Variants in TBC1D13 observed in about 807,000 individuals in gnomAD.
The protein encoded by TBC1D13 is TBC1 domain family member 13.
TBC1D13 carries 40 observed loss-of-function variants against 53.6 expected under a neutral mutation model. The observed-to-expected ratio is 0.75, with a 90% CI of 0.58 to 0.97. The LOEUF (loss-of-function observed/expected upper bound fraction) is 0.97. Ranked by LOEUF, TBC1D13 falls within the 50% of genes least tolerant of loss-of-function variation. TBC1D13 has a pLI of 0.00. For missense variants in TBC1D13, 377 were observed against 499.4 expected, an observed-to-expected ratio of 0.75 and a Z score of 2.34; for synonymous variants, 182 against 197.7, an observed-to-expected ratio of 0.92 and a Z score of 0.67.
In TBC1D13 at chr9:128,791,379, G is replaced by T. The variant is rs773168460; in HGVS notation, c.139-1G>T. 1.2e-6 allele frequency: 2 copies of T among 1,614,066 alleles called. No individual in the cohort carries two copies. The highest frequency in any genetic ancestry group is 2.2e-5 in the East Asian group (1 of 44,892). ...AGCTTTGCCCTTCTCCCTCTGTGCA[G>T]ATTCTCTTGAACTACCTTCCCTTGG... On this transcript the variant is annotated splice_acceptor_variant, in intron 3 of 11. Transcript: ENST00000372648. LOFTEE classifies it high-confidence loss of function.
At chr9:128,790,257 CAAAAAAAAAAA>C (rs10658153) in intron 2 of TBC1D13, among the ~76,000 whole-genome samples, 1 of 107,934 alleles carries the variant, frequency 9.3e-6, no homozygotes, top group South Asian at 3.2e-4. Context: ...ACTTTGTCTC[CAAAAAAAAAAA>C]AAAAAAAATT....
Position 128,801,734 on chromosome 9 carries a change from A to T in TBC1D13, c.544-1516A>T, listed in dbSNP as rs1042156312. On this transcript the variant is annotated intron_variant, in intron 7 of 11. Coordinates refer to ENST00000372648, the MANE Select transcript of TBC1D13 (RefSeq NM_018201.5). The stretch of plus-strand genomic sequence containing the variant: ...GGGCTTGGCCAGTTGTTTGTTTTTG[A>T]CATATTTAAGATTTTTTTGTTTTTT... 2.0e-5 allele frequency among the ~76,000 whole-genome samples: 3 copies of T among 150,390 alleles called. No individual in the cohort carries two copies. The Admixed American group carries it at 2.0e-4, about 10-fold the overall frequency.
Position 128,792,531 on chromosome 9 carries a change from T to C in TBC1D13, c.340T>C (p.Phe114Leu). The C allele has an allele frequency of 1.2e-6, 2 of 1,614,156 alleles. No homozygotes were observed. The highest frequency in any genetic ancestry group is 1.7e-6 in the Non-Finnish European group (2 of 1,179,996). The change falls in exon 6 of 12, where the codon TTC becomes CTC. Residue 114 changes from phenylalanine to leucine, a missense_variant. Physicochemically the swap from Phe to Leu is conservative, Grantham distance 22. Transcript: ENST00000372648. ...CCCTGACAGCCGGTGGAACACGTAC[T>C]TCAAGGACAACGAGGTGCTGCTGCA... ...PNPDSRWNTYFKDNEVLLQID... is the reference protein window; with the variant it reads ...PNPDSRWNTYLKDNEVLLQID...
At position 128,803,974 on chromosome 9, in the gene TBC1D13, C is replaced by G. The variant is rs373831850; in HGVS notation, c.773C>G (p.Thr258Ser). ...SEWKEHAEAD[T>S]FFCFTNLMAE... ...CTCCCAGAGCACGCCGAGGCAGACA[C>G]CTTTTTCTGCTTCACCAACCTCATG... The change falls in exon 9 of 12, where the codon ACC becomes AGC. Residue 258 changes from threonine to serine, a missense_variant. Transcript: ENST00000372648. 3.1e-6 allele frequency: 5 copies of G among 1,613,412 alleles called. No homozygotes were observed. The highest frequency in any genetic ancestry group is 4.2e-6 in the Non-Finnish European group (5 of 1,180,022).
chr9:128,808,195 C>A lies in TBC1D13; in HGVS notation c.*316C>A. On this transcript the variant is annotated 3_prime_UTR_variant, in exon 12 of 12. Transcript: ENST00000372648. ...GGGGCCCCTCCCTGCCTCGGCTCTG[C>A]CGCCCCAGCCTCAGTTCCTGCTTCT... 2.7e-6 allele frequency: 1 copy of A among 373,558 alleles called. No homozygotes were observed. The highest frequency in any genetic ancestry group is 5.1e-6 in the Non-Finnish European group (1 of 195,516). 23.1% of individuals were successfully genotyped at this position (373,558 alleles called of 1,614,324 possible).
At chr9:128,804,408 A>ATT (rs775050479) in intron 9 of TBC1D13, among the ~76,000 whole-genome samples, 11 of 141,318 alleles carry the variant, frequency 7.8e-5, no homozygotes, top group South Asian at 2.3e-4. Context: ...TGTTAACTTC[A>ATT]TTTTTTTTTT....
chr9:128,788,444 AGCAGCCCTGTG>A (rs1829470334), intron 2 of TBC1D13, 37 bp downstream of exon 2: 2 of 1,591,630 alleles, frequency 1.3e-6, no homozygotes, highest in Non-Finnish European at 1.7e-6. Flanking sequence ...GTTTCCCTAC[AGCAGCCCTGTG>A]GCTAGAATAC....
At chr9:128,807,705 C>T in intron 11 of TBC1D13, 109 bp from the exon 12 acceptor site, 1 of 1,133,934 alleles carries the variant, frequency 8.8e-7, no homozygotes, top group Non-Finnish European at 1.3e-6. Context: ...TGTGCTCCTG[C>T]CCCTGAGGCC....
At position 128,808,200 on chromosome 9, in the gene TBC1D13, C is replaced by T. The variant is rs1300189165; in HGVS notation, c.*321C>T. On this transcript the variant is annotated 3_prime_UTR_variant, in exon 12 of 12. Transcript: ENST00000372648. Reference sequence around the variant, plus strand: ...CCCTCCCTGCCTCGGCTCTGCCGCCCCAGCCTCAGTTCCTGCTTCTGGTCT... The same window carrying T: ...CCCTCCCTGCCTCGGCTCTGCCGCCTCAGCCTCAGTTCCTGCTTCTGGTCT... The T allele has an allele frequency of 5.4e-6, 2 of 368,472 alleles. No individual in the cohort carries two copies. Among genetic ancestry groups the T allele is most frequent in the Non-Finnish European group, 1.0e-5 (2 of 192,326 alleles). 22.8% of individuals were successfully genotyped at this position (368,472 alleles called of 1,614,324 possible).
intron 6 of TBC1D13, among the ~76,000 whole-genome samples, chr9:128,792,985 C>G (rs562864184): frequency 1.3e-5 from 2 of 152,210 alleles, no homozygotes; most frequent in Non-Finnish European, 2.9e-5. Context: ...TAGATCTTAG[C>G]AGATGGCATT....
intron 6 of TBC1D13, 65 bp from the exon 7 acceptor site, chr9:128,796,990 G>A (rs1829641930): frequency 6.3e-7 from 1 of 1,579,084 alleles, no homozygotes; most frequent in Non-Finnish European, 8.7e-7. Context: ...GGGGTCTCCT[G>A]GCAGATGGGA....
chr9:128,798,042 C>T (rs1359880794), intron 7 of TBC1D13, among the ~76,000 whole-genome samples: 1 of 152,120 alleles, frequency 6.6e-6, no homozygotes, highest in African/African-American at 2.4e-5. Flanking sequence ...CACCTGAGGT[C>T]AGGAGTTCAA....
Position 128,787,255 on chromosome 9 carries a change from G to T in TBC1D13, c.-99G>T. 9 of 1,199,200 alleles carry T rather than the reference G, an allele frequency of 7.5e-6. No individual in the cohort carries two copies. Among genetic ancestry groups the T allele is most frequent in the Non-Finnish European group, 9.5e-6 (9 of 945,244 alleles). 74.3% of individuals were successfully genotyped at this position (1,199,200 alleles called of 1,614,324 possible). ...TGTGTTTCCCGCCGGAGGCTTTTGC[G>T]CAGAGCCCCGCGTCCCTGGGGGGCG... On this transcript the variant is annotated 5_prime_UTR_variant, in exon 1 of 12. Coordinates refer to ENST00000372648, the MANE Select transcript of TBC1D13 (RefSeq NM_018201.5).
At chr9:128,801,434 C>A (rs557870368) in intron 7 of TBC1D13, among the ~76,000 whole-genome samples, 2 of 151,920 alleles carry the variant, frequency 1.3e-5, no homozygotes, top group Admixed American at 6.6e-5. Flanking sequence ...AATCCCAGCA[C>A]TTTGGGAGGC....
In TBC1D13 at chr9:128,791,698, G is replaced by A. The variant is rs1349378716; in HGVS notation, c.300+5G>A. 2 of 1,613,614 alleles carry A rather than the reference G, an allele frequency of 1.2e-6. No homozygotes were observed. Among genetic ancestry groups the A allele is most frequent in the Non-Finnish European group, 1.7e-6 (2 of 1,179,554 alleles). On this transcript the variant is annotated splice_donor_5th_base_variant and intron_variant, in intron 5 of 11. Transcript: ENST00000372648. ...GATGTGACTTTTGAGGACCATGTGA[G>A]TAGAGGTTGACAGCGGAGACCCAGG...
chr9:128,789,362 C>T (rs1468494639), intron 2 of TBC1D13, among the ~76,000 whole-genome samples: 1 of 150,426 alleles, frequency 6.6e-6, no homozygotes, highest in Non-Finnish European at 1.5e-5. Flanking sequence ...TCCCTGTCAT[C>T]CTCATATAGA....
At chr9:128,806,655 T>C (rs973218463) in intron 11 of TBC1D13, among the ~76,000 whole-genome samples, 6 of 152,102 alleles carry the variant, frequency 3.9e-5, no homozygotes, top group Admixed American at 6.5e-5. Context: ...ATTAAGAACA[T>C]GGGCTCACCG....
At chr9:128,787,562 C>T (rs1445195666) in intron 1 of TBC1D13, among the ~76,000 whole-genome samples, 186 bp downstream of exon 1, 1 of 152,126 alleles carries the variant, frequency 6.6e-6, no homozygotes, top group Non-Finnish European at 1.5e-5. Context: ...CGGCCCTTCT[C>T]CTGCCCCTGA....
rs1162855273 is a variant in TBC1D13, at chr9:128,791,701, G to C, written c.300+8G>C. 1 of 1,613,120 alleles carries C rather than the reference G, an allele frequency of 6.2e-7. No individual in the cohort carries two copies. Among genetic ancestry groups the C allele is most frequent in the Non-Finnish European group, 8.5e-7 (1 of 1,179,146 alleles). On this transcript the variant is annotated splice_region_variant and intron_variant, in intron 5 of 11. Coordinates refer to ENST00000372648, the MANE Select transcript of TBC1D13 (RefSeq NM_018201.5). ...GTGACTTTTGAGGACCATGTGAGTA[G>C]AGGTTGACAGCGGAGACCCAGGATA...
Sources: allele counts gnomAD v4.1 joint callset (sites outside exome capture counted in the v4.1 genomes callset), GRCh38; gene constraint gnomAD v4.1.1; transcripts MANE v1.5; gene names NCBI Gene and HGNC (gene_info 2026-07-23, HGNC 2026-07-21).